The following CNTN3 variants were observed in gnomAD, a reference collection of about 807,000 sequenced individuals.
CNTN3 encodes contactin 3.
CNTN3 carries 60 observed loss-of-function variants against 119.1 expected under a neutral mutation model. The ratio of observed to expected loss-of-function variants is 0.50; its 90% CI spans 0.41 to 0.62. The LOEUF (loss-of-function observed/expected upper bound fraction) is 0.62. CNTN3 is among the 20% of genes least tolerant of loss of function. The pLI is 0.00. For synonymous variants in CNTN3, 450 were observed against 438.7 expected (o/e 1.03, Z -0.32); for missense variants, 1,101 against 1,242.4 (o/e 0.89, Z 1.71).
At chr3:74,389,973 G>A (rs774875956) in intron 5 of CNTN3, among the ~76,000 whole-genome samples, 2 of 152,190 alleles carry the variant, frequency 1.3e-5, no homozygotes, top group Non-Finnish European at 2.9e-5. Flanking sequence ...GAAGAAGCAT[G>A]GTGATAATTT....
chr3:74,589,087 A>G (rs1302200677), intron 1 of CNTN3, among the ~76,000 whole-genome samples: 4 of 150,926 alleles, frequency 2.7e-5, no homozygotes, highest in Non-Finnish European at 5.9e-5. Flanking sequence ...AATGGCAACA[A>G]AAGCCAAAAT....
At chr3:74,560,305 G>A (rs1704133898) in intron 1 of CNTN3, among the ~76,000 whole-genome samples, 1 of 152,014 alleles carries the variant, frequency 6.6e-6, no homozygotes, top group Non-Finnish European at 1.5e-5. Context: ...GCCTGATAAG[G>A]GTTATCACTT....
At chr3:74,416,422 C>A (rs1701522093) in intron 5 of CNTN3, among the ~76,000 whole-genome samples, 1 of 152,146 alleles carries the variant, frequency 6.6e-6, no homozygotes, top group Non-Finnish European at 1.5e-5. Flanking sequence ...GTTAGGCAAC[C>A]TGTTCCAAAT....
At chr3:74,321,415 G>A (rs183757261) in intron 13 of CNTN3, among the ~76,000 whole-genome samples, 1 of 152,110 alleles carries the variant, frequency 6.6e-6, no homozygotes, top group Admixed American at 6.5e-5. Flanking sequence ...TCAAAGCTAC[G>A]CCTAGAGGAA....
chr3:74,590,243 C>T (rs982041086), intron 1 of CNTN3, among the ~76,000 whole-genome samples: 3 of 151,934 alleles, frequency 2.0e-5, no homozygotes, highest in African/African-American at 7.2e-5. Context: ...AGGATAGAGG[C>T]TTGAGCCAAT....
At chr3:74,572,453 T>C (rs1359224223) in intron 1 of CNTN3, among the ~76,000 whole-genome samples, 1 of 152,106 alleles carries the variant, frequency 6.6e-6, no homozygotes, top group East Asian at 1.9e-4. Flanking sequence ...CAAGAAATAC[T>C]ATGCAGAAAT....
intron 13 of CNTN3, among the ~76,000 whole-genome samples, chr3:74,320,692 A>G (rs968836070): frequency 6.6e-6 from 1 of 152,210 alleles, no homozygotes; most frequent in Non-Finnish European, 1.5e-5. Flanking sequence ...ACAACAAAAA[A>G]TTCAGACAGA....
Position 74,319,345 on chromosome 3 carries a change from C to T in CNTN3, c.1668+15390G>A, listed in dbSNP as rs995571668. On this transcript the variant is annotated intron_variant, in intron 13 of 22. Transcript: ENST00000263665. ...ATAGATCAATGGAATAGAACAGAGCCCTCAGAAATAATGCCGCATATCTAC... is the reference window on the plus strand; with the variant it reads ...ATAGATCAATGGAATAGAACAGAGCTCTCAGAAATAATGCCGCATATCTAC... 2.4e-4 allele frequency among the ~76,000 whole-genome samples: 36 copies of T among 152,054 alleles called. 1 individual carries two copies. The highest frequency in any genetic ancestry group is 8.5e-4 in the African/African-American group (35 of 41,382).
intron 5 of CNTN3, among the ~76,000 whole-genome samples, chr3:74,375,911 G>A (rs76024812): frequency 1.3e-5 from 2 of 152,138 alleles, no homozygotes; most frequent in Admixed American, 6.5e-5. Context: ...CATGGCAAAG[G>A]TGATTAAGTT....
chr3:74,312,525 T>C (rs909775941), intron 13 of CNTN3, among the ~76,000 whole-genome samples: 1 of 150,108 alleles, frequency 6.7e-6, no homozygotes, highest in African/African-American at 2.5e-5. Context: ...TGGGGTTTTC[T>C]AAGAGTCTAG....
chr3:74,486,263 TAC>T lies in CNTN3; in HGVS notation c.358+191_358+192del, dbSNP rs141787585. ...ATGCACACCAGCATACACACAGACA[TAC>T]ACACACACACACATTTAAAGCTCTG... On this transcript the variant is annotated intron_variant, in intron 4 of 22. Coordinates refer to ENST00000263665, the MANE Select transcript of CNTN3 (RefSeq NM_020872.3). Among the ~76,000 whole-genome samples, 910 of 149,984 alleles carry T rather than the reference TAC, an allele frequency of 6.1e-3. 5 individuals carry two copies. The highest frequency in any genetic ancestry group is 7.6e-3 in the Non-Finnish European group (508 of 67,188).
At chr3:74,377,834 C>G (rs1257223145) in intron 5 of CNTN3, among the ~76,000 whole-genome samples, 1 of 152,188 alleles carries the variant, frequency 6.6e-6, no homozygotes, top group Non-Finnish European at 1.5e-5. Context: ...TAAGACCAGT[C>G]AATTTAACAT....
At chr3:74,450,550 T>C (rs1219225803) in intron 4 of CNTN3, among the ~76,000 whole-genome samples, 1 of 151,478 alleles carries the variant, frequency 6.6e-6, no homozygotes. Flanking sequence ...TTAGGGTACA[T>C]GTGCACAATG....
rs1209461876 is a variant in CNTN3, at chr3:74,299,848, G to C, written c.2166+20C>G. 3 of 1,597,266 alleles carry C rather than the reference G, an allele frequency of 1.9e-6. No individual in the cohort carries two copies. The highest frequency in any genetic ancestry group is 8.5e-7 in the Non-Finnish European group (1 of 1,170,696). On this transcript the variant is annotated intron_variant, in intron 17 of 22. Transcript: ENST00000263665. Reference sequence around the variant, plus strand: ...GGAACAGCAAGACCCTGATGGGGAAGATGCTGCCCAAACACTTACATCCCA... The same window carrying C: ...GGAACAGCAAGACCCTGATGGGGAACATGCTGCCCAAACACTTACATCCCA...
intron 18 of CNTN3, among the ~76,000 whole-genome samples, chr3:74,297,097 C>T (rs2106807223): frequency 6.6e-6 from 1 of 152,276 alleles, no homozygotes; most frequent in South Asian, 2.1e-4. Context: ...ATCCCTCAAA[C>T]CTGCACATTG....
chr3:74,545,570 T>C lies in CNTN3; in HGVS notation c.-80-24378A>G, dbSNP rs376959514. Among the ~76,000 whole-genome samples the C allele has an allele frequency of 6.6e-5, 10 of 152,286 alleles. No individual in the cohort carries two copies. In the East Asian group the frequency reaches 9.7e-4, roughly 15 times the overall value. On this transcript the variant is annotated intron_variant, in intron 1 of 22. Coordinates refer to ENST00000263665, the MANE Select transcript of CNTN3 (RefSeq NM_020872.3). ...TCCCAGTTCAAGTAGCTGTACTAAT[T>C]TAGGCTATAAGTTCACTAAGGTAAA...
chr3:74,414,452 A>G (rs1317292258), intron 5 of CNTN3, among the ~76,000 whole-genome samples: 2 of 152,204 alleles, frequency 1.3e-5, no homozygotes, highest in African/African-American at 4.8e-5. Context: ...GAAAGCATTT[A>G]CATTTGTATG....
chr3:74,581,861 G>T (rs1319190688), intron 1 of CNTN3, among the ~76,000 whole-genome samples: 1 of 152,084 alleles, frequency 6.6e-6, no homozygotes, highest in Non-Finnish European at 1.5e-5. Flanking sequence ...GGGAAGTCTT[G>T]TTAATAAATG....
chr3:74,327,742 A>G (rs893800424), intron 13 of CNTN3, among the ~76,000 whole-genome samples: 1 of 152,038 alleles, frequency 6.6e-6, no homozygotes, highest in Non-Finnish European at 1.5e-5. Context: ...TTTTCATAAT[A>G]ATGAATCTAC....
Sources: gnomAD v4.1 joint callset for allele counts (sites outside exome capture counted in the v4.1 genomes callset) on GRCh38, gnomAD v4.1.1 for gene constraint, MANE v1.5 for transcripts, NCBI Gene and HGNC (gene_info 2026-07-23, HGNC 2026-07-21) for gene names.